ZNRF2: variants seen among roughly 807,000 people sequenced by gnomAD.
ZNRF2 encodes zinc and ring finger 2.
In ZNRF2, 16 loss-of-function variants were observed where a neutral mutation model predicts 20.4. The observed-to-expected ratio is 0.79, with a 90% CI of 0.53 to 1.19. The LOEUF (loss-of-function observed/expected upper bound fraction) is 1.19. Ranked by LOEUF, ZNRF2 falls within the 50% of genes most tolerant of loss-of-function variation. The pLI is 0.00. For missense variants in ZNRF2, 363 were observed against 332.4 expected (o/e 1.09, Z -0.72); for synonymous variants, 178 against 144.9 (o/e 1.23, Z -1.64).
intron 2 of ZNRF2, among the ~76,000 whole-genome samples, chr7:30,337,146 C>T (rs1799729348): frequency 6.6e-6 from 1 of 152,070 alleles, no homozygotes; most frequent in Admixed American, 6.6e-5. Context: ...TTATGTATTT[C>T]ATAACTATGT....
intron 2 of ZNRF2, among the ~76,000 whole-genome samples, chr7:30,325,837 A>T (rs1207732548): frequency 6.6e-6 from 1 of 152,218 alleles, no homozygotes; most frequent in Non-Finnish European, 1.5e-5. Context: ...ACTTTGCATT[A>T]TCTACTTCAA....
At chr7:30,333,452 C>T (rs1477320797) in intron 2 of ZNRF2, among the ~76,000 whole-genome samples, 1 of 151,794 alleles carries the variant, frequency 6.6e-6, no homozygotes, top group African/African-American at 2.4e-5. Context: ...TCACTGCAAC[C>T]TCCGCATCCC....
intron 3 of ZNRF2, among the ~76,000 whole-genome samples, chr7:30,356,348 C>T (rs773518610): frequency 2.7e-5 from 4 of 150,408 alleles, no homozygotes; most frequent in Non-Finnish European, 4.4e-5. Context: ...GATGAAAATA[C>T]AGTACTTAAG....
chr7:30,304,930 T>A lies in ZNRF2; in HGVS notation c.470-18712T>A, dbSNP rs759322912. ...GGACTTCGGCAAGCCAGATGTTAAA[T>A]ATAACCATCATTAAAATTAAATTAT... is the stretch of plus-strand genomic sequence containing the variant. On this transcript the variant is annotated intron_variant, in intron 1 of 4. Coordinates refer to ENST00000323037, the MANE Select transcript of ZNRF2 (RefSeq NM_147128.4). 6.8e-4 allele frequency among the ~76,000 whole-genome samples: 103 copies of A among 152,330 alleles called. 1 individual carries two copies. Among genetic ancestry groups the A allele is most frequent in the Non-Finnish European group, 1.2e-3 (85 of 68,020 alleles).
chr7:30,333,516 C>T (rs1449943338), intron 2 of ZNRF2, among the ~76,000 whole-genome samples: 1 of 151,768 alleles, frequency 6.6e-6, no homozygotes, highest in East Asian at 1.9e-4. Flanking sequence ...ATTACAGGTG[C>T]CCACCACTAC....
chr7:30,321,844 G>A (rs915978419), intron 1 of ZNRF2, among the ~76,000 whole-genome samples: 27 of 152,094 alleles, frequency 1.8e-4, no homozygotes, highest in Non-Finnish European at 2.8e-4. Flanking sequence ...CACAGTATTC[G>A]ATGTAGCCTG....
At chr7:30,325,908 GGTTT>G (rs1397475529) in intron 2 of ZNRF2, among the ~76,000 whole-genome samples, 1 of 151,872 alleles carries the variant, frequency 6.6e-6, no homozygotes, top group Non-Finnish European at 1.5e-5. Flanking sequence ...AAAGTATATG[GGTTT>G]GTTTTTCATA....
intron 1 of ZNRF2, among the ~76,000 whole-genome samples, chr7:30,288,161 T>A (rs1169954888): frequency 6.6e-6 from 1 of 152,200 alleles, no homozygotes; most frequent in Non-Finnish European, 1.5e-5. Context: ...ATCTTATAAT[T>A]AAAAAAGACT....
chr7:30,286,839 G>C (rs1290891148), intron 1 of ZNRF2, among the ~76,000 whole-genome samples: 1 of 152,150 alleles, frequency 6.6e-6, no homozygotes, highest in African/African-American at 2.4e-5. Flanking sequence ...GAGCACAGAT[G>C]AGCAGCGAAA....
In ZNRF2 at chr7:30,361,451, C is replaced by A. The variant is rs113351792; in HGVS notation, c.672-926C>A. Among the ~76,000 whole-genome samples the A allele has an allele frequency of 3.4e-3, 520 of 152,268 alleles. 3 individuals are homozygous for A. Among genetic ancestry groups the A allele is most frequent in the African/African-American group, 0.012 (493 of 41,548 alleles). On this transcript the variant is annotated intron_variant, in intron 3 of 4. Transcript: ENST00000323037. ...TTGCCCTTCAGTATATTAACCAAGT[C>A]TTGTAGCTTTGCGGCATATGCAAAT...
At chr7:30,343,434 T>C (rs1799827996) in intron 2 of ZNRF2, among the ~76,000 whole-genome samples, 1 of 152,228 alleles carries the variant, frequency 6.6e-6, no homozygotes, top group African/African-American at 2.4e-5. Flanking sequence ...TTGATCGTCA[T>C]GGACTAAGGT....
At chr7:30,348,363 A>C (rs745651000) in intron 2 of ZNRF2, among the ~76,000 whole-genome samples, 2 of 152,090 alleles carry the variant, frequency 1.3e-5, no homozygotes, top group African/African-American at 4.8e-5. Flanking sequence ...TTGTTCAAAA[A>C]ATATTTATTG....
intron 1 of ZNRF2, among the ~76,000 whole-genome samples, chr7:30,296,241 G>A: frequency 6.6e-6 from 1 of 152,230 alleles, no homozygotes; most frequent in South Asian, 2.1e-4. Context: ...AACCAAATAG[G>A]TATAATATAG....
intron 1 of ZNRF2, among the ~76,000 whole-genome samples, chr7:30,295,100 T>TGTGA (rs879278173): frequency 8.1e-5 from 11 of 136,122 alleles, no homozygotes; most frequent in Admixed American, 2.2e-4. Context: ...TGTGTGTGTG[T>TGTGA]GATTGCAGGT....
intron 2 of ZNRF2, among the ~76,000 whole-genome samples, chr7:30,343,791 T>TTTTG (rs1222782577): frequency 1.3e-5 from 2 of 152,032 alleles, no homozygotes; most frequent in Admixed American, 6.6e-5. Flanking sequence ...AATCTTTGTT[T>TTTTG]TTTGTTTGTT....
intron 2 of ZNRF2, among the ~76,000 whole-genome samples, chr7:30,338,754 A>T (rs1271975789): frequency 6.6e-6 from 1 of 152,068 alleles, no homozygotes; most frequent in African/African-American, 2.4e-5. Flanking sequence ...ATGTGTCTTT[A>T]TAGTAGAATG....
intron 4 of ZNRF2, among the ~76,000 whole-genome samples, chr7:30,363,957 CTT>C (rs1800168886): frequency 6.6e-6 from 1 of 152,188 alleles, no homozygotes; most frequent in Non-Finnish European, 1.5e-5. Context: ...GTGAGAGTCT[CTT>C]TGTTCAGGGA....
At chr7:30,363,627 AAAT>A (rs1356628884) in intron 4 of ZNRF2, among the ~76,000 whole-genome samples, 2 of 152,208 alleles carry the variant, frequency 1.3e-5, no homozygotes, top group African/African-American at 4.8e-5. Context: ...AGTAGGCAAA[AAAT>A]AAAGTTGCAT....
At chr7:30,331,541 A>C (rs540887498) in intron 2 of ZNRF2, among the ~76,000 whole-genome samples, 1 of 152,252 alleles carries the variant, frequency 6.6e-6, no homozygotes, top group African/African-American at 2.4e-5. Flanking sequence ...AAGCATGGAA[A>C]ATATGAGAGA....
Sources: allele counts gnomAD v4.1 joint callset (sites outside exome capture counted in the v4.1 genomes callset), GRCh38; gene constraint gnomAD v4.1.1; transcripts MANE v1.5; gene names NCBI Gene and HGNC (gene_info 2026-07-23, HGNC 2026-07-21).